The following LGR5 variants were observed in gnomAD, a reference collection of about 807,000 sequenced individuals.
LGR5 encodes the protein leucine-rich repeat-containing G protein-coupled receptor 5.
In LGR5, 54 loss-of-function variants were observed where a neutral mutation model predicts 76.7. That is an observed-to-expected ratio of 0.70 (90% CI 0.57 to 0.88). The LOEUF (loss-of-function observed/expected upper bound fraction) is 0.88. Ranked by LOEUF, LGR5 falls within the 40% of genes least tolerant of loss-of-function variation. The probability of loss-of-function intolerance (pLI) is 0.00; values close to 1 mark genes in which losing one functional copy is unlikely to be tolerated. For missense variants in LGR5, 1,078 were observed against 1,073.3 expected (o/e 1.00, Z -0.06); for synonymous variants, 406 against 421.9 (o/e 0.96, Z 0.46).
chr12:71,474,110 G>A (rs972022465), intron 1 of LGR5, among the ~76,000 whole-genome samples: 27 of 150,652 alleles, frequency 1.8e-4, no homozygotes, highest in African/African-American at 5.9e-4. Flanking sequence ...TTGAATGTAC[G>A]TTGAATATAT....
rs1451645869 is a variant in LGR5 at position 71,577,860 on chromosome 12, A to G, written c.1209-65A>G. 4 of 1,037,802 alleles carry G rather than the reference A, an allele frequency of 3.9e-6. No individual in the cohort carries two copies. The East Asian group carries it at 7.1e-5, about 18-fold the overall frequency. The allele number at this position is 1,037,802 out of a possible 1,614,324, so 64.3% of individuals were successfully genotyped here. A position where few individuals can be genotyped will look rare whatever the true frequency, so the allele number is the denominator to read the frequency against. On this transcript the variant is annotated intron_variant, in intron 13 of 17. Transcript: ENST00000266674. ...TTAATTTTGGTAGAAGACTAAATGC[A>G]TATGATAAAACTTCACATGTTCTTT...
At chr12:71,541,334 G>A (rs1365358960) in intron 4 of LGR5, among the ~76,000 whole-genome samples, 2 of 152,210 alleles carry the variant, frequency 1.3e-5, no homozygotes, top group Non-Finnish European at 2.9e-5. Context: ...TGCCAGTCCT[G>A]TGATAAATTG....
At chr12:71,524,376 ACTCT>A in intron 2 of LGR5, 26 bp from the exon 3 acceptor site, 1 of 1,521,440 alleles carries the variant, frequency 6.6e-7, no homozygotes, top group East Asian at 2.3e-5. Context: ...AGGTATGCTC[ACTCT>A]CTCTCCTCTC....
rs571044786 is a variant in LGR5, at chr12:71,478,650, G to C, written c.213-25964G>C. 7.9e-5 allele frequency among the ~76,000 whole-genome samples: 12 copies of C among 152,204 alleles called. No individual in the cohort carries two copies. The East Asian group carries it at 2.1e-3, about 27-fold the overall frequency. On this transcript the variant is annotated intron_variant, in intron 1 of 17. Transcript: ENST00000266674. The stretch of plus-strand genomic sequence containing the variant: ...CTAACTATGGCATGGGGAAATTTTT[G>C]TCTCTCATTTTTCCAATGCACATCA...
At chr12:71,537,867 A>G (rs1719245766) in intron 4 of LGR5, among the ~76,000 whole-genome samples, 1 of 151,938 alleles carries the variant, frequency 6.6e-6, no homozygotes. Flanking sequence ...TCTCCACTCC[A>G]TTGCCATCTC....
At chr12:71,447,886 C>T (rs573750348) in intron 1 of LGR5, among the ~76,000 whole-genome samples, 1 of 152,176 alleles carries the variant, frequency 6.6e-6, no homozygotes, top group African/African-American at 2.4e-5. Context: ...CAGCTGAGAA[C>T]GCGTGCATGG....
At chr12:71,497,357 AAAGGAAGGAAG>A (rs746417259) in intron 1 of LGR5, among the ~76,000 whole-genome samples, 13,441 of 136,310 alleles carry the variant, frequency 0.099, 637 homozygotes, top group Non-Finnish European at 0.12. Context: ...AGGAAGGAAG[AAAGGAAGGAAG>A]GAAGGAAAGA....
chr12:71,566,146 C>T (rs61392190), intron 8 of LGR5, among the ~76,000 whole-genome samples: 3,428 of 152,216 alleles, frequency 0.023, 144 homozygotes, highest in African/African-American at 0.077. Context: ...TGCTTTTCTC[C>T]TTAGTAACTA....
intron 8 of LGR5, among the ~76,000 whole-genome samples, chr12:71,564,000 G>A (rs1437883823): frequency 2.8e-5 from 1 of 36,224 alleles, no homozygotes. Flanking sequence ...GCATATATAC[G>A]TATCTGTACA....
At chr12:71,520,755 A>T (rs1419191952) in intron 2 of LGR5, among the ~76,000 whole-genome samples, 1 of 152,128 alleles carries the variant, frequency 6.6e-6, no homozygotes, top group Non-Finnish European at 1.5e-5. Flanking sequence ...ATTAGGAGAA[A>T]TACCTAATGT....
intron 13 of LGR5, among the ~76,000 whole-genome samples, chr12:71,575,673 C>T (rs949392038): frequency 6.6e-5 from 10 of 151,872 alleles, no homozygotes; most frequent in South Asian, 2.1e-4. Flanking sequence ...ATCGCACTAC[C>T]GCCCTCCAAC....
intron 1 of LGR5, among the ~76,000 whole-genome samples, chr12:71,475,464 C>T (rs192702656): frequency 2.0e-5 from 3 of 152,154 alleles, no homozygotes; most frequent in Admixed American, 6.5e-5. Flanking sequence ...ATGAGGCCAG[C>T]TTGATCTGGC....
At chr12:71,569,270 C>T (rs1878491892) in intron 11 of LGR5, among the ~76,000 whole-genome samples, 2 of 152,202 alleles carry the variant, frequency 1.3e-5, no homozygotes, top group Admixed American at 6.5e-5. Flanking sequence ...ATGATGAAAT[C>T]GCCTAAAGCA....
At chr12:71,548,843 CA>C (rs1565744230) in intron 4 of LGR5, among the ~76,000 whole-genome samples, 8 of 151,900 alleles carry the variant, frequency 5.3e-5, no homozygotes, top group Non-Finnish European at 1.0e-4. Context: ...CACACACACA[CA>C]CACACCCTCT....
chr12:71,491,969 A>G (rs1198567594), intron 1 of LGR5, among the ~76,000 whole-genome samples: 3 of 151,918 alleles, frequency 2.0e-5, no homozygotes, highest in Admixed American at 6.6e-5. Flanking sequence ...AGTACAAGTA[A>G]TTACAAATAT....
chr12:71,568,993 TA>T (rs753854421), intron 11 of LGR5, among the ~76,000 whole-genome samples: 15 of 152,194 alleles, frequency 9.9e-5, no homozygotes, highest in Non-Finnish European at 1.9e-4. Flanking sequence ...CCACAGGAAT[TA>T]AACCAGATAA....
intron 1 of LGR5, among the ~76,000 whole-genome samples, chr12:71,494,842 C>T (rs66653963): frequency 0.042 from 6,388 of 151,102 alleles, 312 homozygotes; most frequent in African/African-American, 0.066. Flanking sequence ...TAGACTGGAC[C>T]TAGTCTAGTT....
intron 6 of LGR5, among the ~76,000 whole-genome samples, chr12:71,558,138 G>T (rs1287503503): frequency 6.6e-6 from 1 of 152,056 alleles, no homozygotes; most frequent in African/African-American, 2.4e-5. Context: ...CAACTTAATG[G>T]CATAGACAAG....
intron 1 of LGR5, among the ~76,000 whole-genome samples, chr12:71,497,508 A>T (rs12827885): frequency 0.089 from 13,614 of 152,226 alleles, 649 homozygotes; most frequent in Non-Finnish European, 0.11. Context: ...TTTTGGAGTT[A>T]AAAATGATAA....
Sources: gnomAD v4.1 joint callset for allele counts (sites outside exome capture counted in the v4.1 genomes callset) on GRCh38, gnomAD v4.1.1 for gene constraint, MANE v1.5 for transcripts, NCBI Gene and HGNC (gene_info 2026-07-23, HGNC 2026-07-21) for gene names.